The following SMTN variants were observed in gnomAD, a reference collection of about 807,000 sequenced individuals.
SMTN encodes the protein smoothelin.
In SMTN, 58 loss-of-function variants were observed where a neutral mutation model predicts 102.0. That is an observed-to-expected ratio of 0.57 (90% CI 0.46 to 0.71). SMTN has a LOEUF of 0.71. Among genes scored for constraint, SMTN ranks in the 30% least tolerant of loss-of-function variants. The pLI is 0.00. For synonymous variants in SMTN, 478 were observed against 497.9 expected, an observed-to-expected ratio of 0.96 and a Z score of 0.53; for missense variants, 1,185 against 1,241.7, an observed-to-expected ratio of 0.95 and a Z score of 0.69.
chr22:31,095,299 G>A lies in SMTN; in HGVS notation c.1633-4G>A, dbSNP rs2043488367. 1.2e-6 allele frequency: 2 copies of A among 1,613,386 alleles called. No individual in the cohort carries two copies. Among genetic ancestry groups the A allele is most frequent in the Non-Finnish European group, 1.7e-6 (2 of 1,179,924 alleles). On this transcript the variant is annotated splice_polypyrimidine_tract_variant and splice_region_variant and intron_variant, in intron 11 of 20. Transcript: ENST00000333137. The surrounding 1 kb of genome is among the most constrained non-coding windows in gnomAD (Gnocchi z 4.1). ...AAAGTCCATGCCCTCTCCCCACCCT[G>A]CAGATGGAAGCAGAGCCAGCAGAGC...
intron 11 of SMTN, among the ~76,000 whole-genome samples, chr22:31,094,296 A>C (rs924739341): frequency 1.3e-5 from 2 of 152,164 alleles, no homozygotes; most frequent in African/African-American, 4.8e-5. Flanking sequence ...TCCTTAGAGG[A>C]TGGTTTCCAG....
chr22:31,096,929 C>A, intron 14 of SMTN, 32 bp downstream of exon 14: 1 of 1,611,714 alleles, frequency 6.2e-7, no homozygotes, highest in Non-Finnish European at 8.5e-7. Context: ...GCCCAGGGCT[C>A]AGGGTGGGAA....
At chr22:31,088,634 G>T (rs751035672) in intron 4 of SMTN, 28 bp downstream of exon 4, 2 of 1,612,354 alleles carry the variant, frequency 1.2e-6, no homozygotes, top group Admixed American at 3.3e-5. Flanking sequence ...GCAGGGGATG[G>T]GGGCAGGGCA....
intron 17 of SMTN, 68 bp from the exon 18 acceptor site, chr22:31,098,990 GATCC>G: frequency 6.5e-7 from 1 of 1,541,824 alleles, no homozygotes; most frequent in Admixed American, 1.7e-5. Flanking sequence ...CGGGGCCTGG[GATCC>G]ACTGGGTGGG....
chr22:31,091,571 G>C, intron 10 of SMTN, 89 bp downstream of exon 10: 3 of 1,509,334 alleles, frequency 2.0e-6, no homozygotes, highest in Non-Finnish European at 2.7e-6. Context: ...CAGGACTCAG[G>C]GTGTCTCCAA....
intron 1 of SMTN, chr22:31,068,261 G>A (rs146032248): frequency 0.012 from 1,876 of 151,464 alleles, 33 homozygotes; most frequent in African/African-American, 0.041. Context: ...CCAAGACCGC[G>A]CCATTGCACT....
chr22:31,086,143 G>A (rs1471102299), intron 2 of SMTN, among the ~76,000 whole-genome samples: 13 of 152,240 alleles, frequency 8.5e-5, no homozygotes, highest in Admixed American at 8.5e-4. Context: ...CATTCCCCCC[G>A]CCTCTGCTAT....
intron 1 of SMTN, among the ~76,000 whole-genome samples, chr22:31,071,074 T>C (rs1344824337): frequency 6.6e-6 from 1 of 151,572 alleles, no homozygotes; most frequent in Non-Finnish European, 1.5e-5. Flanking sequence ...ATCCCATCTG[T>C]ACAAAAAATA....
At chr22:31,066,723 T>C (rs2041858440) in intron 1 of SMTN, 1 of 152,170 alleles carries the variant, frequency 6.6e-6, no homozygotes, top group Admixed American at 6.6e-5. Flanking sequence ...AACCTCCTAA[T>C]TAATCCAACA....
Position 31,095,745 on chromosome 22 carries a change from T to C in SMTN, c.1861+136T>C. On this transcript the variant is annotated intron_variant, in intron 13 of 20. Coordinates refer to ENST00000333137, the MANE Select transcript of SMTN (RefSeq NM_134269.3). The surrounding 1 kb of genome is among the most constrained non-coding windows in gnomAD (Gnocchi z 4.1). ...GCTTCTCCTTCTCTAGACCCAGCAG[T>C]TCCCTTGGCTATTCCCTGCTGGATC... 1.4e-6 allele frequency: 1 copy of C among 703,476 alleles called. No homozygotes were observed. Among genetic ancestry groups the C allele is most frequent in the South Asian group, 1.8e-5 (1 of 54,292 alleles). The allele number at this position is 703,476 out of a possible 1,614,324, so 43.6% of individuals were successfully genotyped here.
intron 20 of SMTN, chr22:31,102,849 G>C (rs993615432): frequency 6.6e-6 from 1 of 152,504 alleles, no homozygotes; most frequent in African/African-American, 2.4e-5. Flanking sequence ...GCTTCAGAGA[G>C]AGGCTGCCTT....
chr22:31,097,866 A>G (rs895962773), intron 16 of SMTN, among the ~76,000 whole-genome samples: 26 of 152,192 alleles, frequency 1.7e-4, no homozygotes, highest in African/African-American at 5.1e-4. Context: ...CAACCACACC[A>G]CAGGAGAGGT....
At chr22:31,078,233 C>T (rs1204101887), upstream of SMTN, among the ~76,000 whole-genome samples, 4 of 152,314 alleles carry the variant, frequency 2.6e-5, no homozygotes, top group South Asian at 8.3e-4. Context: ...TGCCTCCTGA[C>T]CCAAGGCCTG....
At chr22:31,098,121 TC>T (rs2043748596) in intron 16 of SMTN, among the ~76,000 whole-genome samples, 1 of 152,170 alleles carries the variant, frequency 6.6e-6, no homozygotes, top group African/African-American at 2.4e-5. Context: ...AGGATCAGAA[TC>T]CAGGATGAGA....
At chr22:31,082,675 T>C in intron 1 of SMTN, 1 of 639,452 alleles carries the variant, frequency 1.6e-6, no homozygotes, top group Non-Finnish European at 2.9e-6. Flanking sequence ...GAAGACACAG[T>C]GTACCTTCCT....
chr22:31,096,987 T>C lies in SMTN; in HGVS notation c.2027-11T>C, dbSNP rs777372819. The C allele has an allele frequency of 1.9e-6, 3 of 1,614,008 alleles. No individual in the cohort carries two copies. The highest frequency in any genetic ancestry group is 2.2e-5 in the South Asian group (2 of 91,074). On this transcript the variant is annotated splice_polypyrimidine_tract_variant and intron_variant, in intron 14 of 20. Transcript: ENST00000333137. ...TGCCTTTCACATCCTTCTCATCCCC[T>C]GCCCCTGCAGATGATGGCACACGGA...
Position 31,099,821 on chromosome 22 carries a change from C to G in SMTN, c.2528C>G (p.Pro843Arg). 6.2e-7 allele frequency: 1 copy of G among 1,614,126 alleles called. No individual in the cohort carries two copies. The highest frequency in any genetic ancestry group is 8.5e-7 in the Non-Finnish European group (1 of 1,179,968). Residue 843 changes from proline to arginine, a missense_variant, in exon 19 of 21, where the codon CCT (proline) becomes CGT (arginine). By Grantham distance (103) the Pro-to-Arg change is moderately radical (BLOSUM62 -2). This residue lies in a region of SMTN where 89 missense variants were observed against 128.9 expected (regional missense o/e 0.69). Transcript: ENST00000333137. ...AFCALVHNFF[P>R]EAFDYGQLSP... ...TGTGCCCTGGTGCACAACTTCTTCC[C>G]TGAGGCCTTCGACTATGGGCAGCTT...
chr22:31,088,775 AGGGTATGTGGCCTGTCCC>A lies in SMTN; in HGVS notation c.373+1_373+18del. 1 of 1,612,612 alleles carries A rather than the reference AGGGTATGTGGCCTGTCCC, an allele frequency of 6.2e-7. No homozygotes were observed. Among genetic ancestry groups the A allele is most frequent in the Non-Finnish European group, 8.5e-7 (1 of 1,179,308 alleles). On this transcript the variant is annotated splice_donor_variant and splice_donor_5th_base_variant and coding_sequence_variant and intron_variant, in exon 5 of 21. Coordinates refer to ENST00000333137, the MANE Select transcript of SMTN (RefSeq NM_134269.3). LOFTEE classifies it high-confidence loss of function. ...CGCCGTGTACGGGCTCAGGAGATTG[AGGGTATGTGGCCTGTCCC>A]GGCCCCACCCCTGCCCTGCTGTCTG...
chr22:31,101,099 A>G, intron 20 of SMTN, 50 bp downstream of exon 20: 1 of 1,527,250 alleles, frequency 6.5e-7, no homozygotes, highest in Non-Finnish European at 8.9e-7. Flanking sequence ...GAATCTGCTC[A>G]GCAAGGCCAG....
Sources: gnomAD v4.1 joint callset for allele counts (sites outside exome capture counted in the v4.1 genomes callset) on GRCh38, gnomAD v4.1.1 for gene constraint, gnomAD v4.1.1 regional missense constraint, Gnocchi (gnomAD v3.1) non-coding constraint, MANE v1.5 for transcripts, NCBI Gene and HGNC (gene_info 2026-07-23, HGNC 2026-07-21) for gene names.